The following NTAQ1 variants were observed in gnomAD, a reference collection of about 807,000 sequenced individuals.
The protein encoded by NTAQ1 is N-terminal glutamine amidase 1, also known as protein N-terminal glutamine amidohydrolase.
NTAQ1 carries 21 observed loss-of-function variants against 28.2 expected under a neutral mutation model. That is an observed-to-expected ratio of 0.74 (90% CI 0.53 to 1.07). NTAQ1 has a LOEUF of 1.07. NTAQ1 is among the 50% of genes least tolerant of loss of function. The pLI, the probability that NTAQ1 is intolerant of heterozygous loss-of-function variation, is 0.00. For synonymous variants in NTAQ1, 105 were observed against 90.0 expected (o/e 1.17, Z -0.94); for missense variants, 264 against 256.6 (o/e 1.03, Z -0.20).
intron 6 of NTAQ1, among the ~76,000 whole-genome samples, chr8:123,460,631 T>C (rs16898355): frequency 0.019 from 2,838 of 152,216 alleles, 98 homozygotes; most frequent in African/African-American, 0.065. Flanking sequence ...AAAAAAGCGG[T>C]CAGGGTAAGC....
Position 123,441,666 on chromosome 8 carries a change from A to C in NTAQ1, c.*251A>C. The C allele has an allele frequency of 2.1e-6, 1 of 472,356 alleles. No homozygotes were observed. Among genetic ancestry groups the C allele is most frequent in the Non-Finnish European group, 3.8e-6 (1 of 260,700 alleles). 29.3% of individuals were successfully genotyped at this position (472,356 alleles called of 1,614,324 possible). A position where few individuals can be genotyped will look rare whatever the true frequency, so the allele number is the denominator to read the frequency against. On this transcript the variant is annotated 3_prime_UTR_variant, in exon 6 of 6. Coordinates refer to ENST00000287387, the MANE Select transcript of NTAQ1 (RefSeq NM_018024.3). The stretch of plus-strand genomic sequence containing the variant: ...ATTCCTGTGGCTCATGCGTTACAAC[A>C]CGAGGACTTAAGCCAGTAATCGTTT...
In NTAQ1 at chr8:123,427,991, T is replaced by C. The variant is rs1289939771; in HGVS notation, c.151T>C (p.Tyr51His). The change falls in exon 2 of 6, where the codon TAT becomes CAT. Residue 51 changes from tyrosine (Y) to histidine (H), a missense_variant. Transcript: ENST00000287387. ...NHDQYPLEEC[Y>H]AVFISNERKM... Reference sequence around the variant, plus strand: ...TGACCAGTATCCTTTAGAAGAATGTTATGCTGTCTTCATATCTAATGAGAG... The same window carrying C: ...TGACCAGTATCCTTTAGAAGAATGTCATGCTGTCTTCATATCTAATGAGAG... The C allele has an allele frequency of 6.2e-7, 1 of 1,611,090 alleles. No individual in the cohort carries two copies. The highest frequency in any genetic ancestry group is 1.1e-5 in the South Asian group (1 of 90,016).
At chr8:123,426,417 C>G (rs1241610255) in intron 1 of NTAQ1, among the ~76,000 whole-genome samples, 2 of 152,188 alleles carry the variant, frequency 1.3e-5, no homozygotes, top group Non-Finnish European at 2.9e-5. Flanking sequence ...TACCTGTAAT[C>G]CCAGTACTTA....
chr8:123,454,578 C>T (rs1044894553), intron 6 of NTAQ1, among the ~76,000 whole-genome samples: 32 of 152,114 alleles, frequency 2.1e-4, no homozygotes, highest in Admixed American at 1.0e-3. Context: ...CCATGTTGGT[C>T]GGGCTGGTCT....
At chr8:123,433,192 C>T (rs561396206) in intron 3 of NTAQ1, among the ~76,000 whole-genome samples, 8 of 152,194 alleles carry the variant, frequency 5.3e-5, no homozygotes, top group Admixed American at 2.6e-4. Context: ...CTCATCTGTG[C>T]CATGAAGGCA....
intron 1 of NTAQ1, among the ~76,000 whole-genome samples, chr8:123,425,011 A>G (rs929106756): frequency 1.3e-5 from 2 of 152,224 alleles, no homozygotes; most frequent in African/African-American, 4.8e-5. Flanking sequence ...GTCTTCTTCA[A>G]ACCTGGCCTT....
At chr8:123,428,060 A>G in intron 2 of NTAQ1, 37 bp downstream of exon 2, 1 of 1,438,810 alleles carries the variant, frequency 7.0e-7, no homozygotes, top group African/African-American at 1.5e-5. Context: ...AAAACAAGAG[A>G]TTTAGGATGA....
chr8:123,427,976 C>G lies in NTAQ1; in HGVS notation c.136C>G (p.Pro46Ala), dbSNP rs917843441. ...CEYIKNHDQY[P>A]LEECYAVFIS... The stretch of plus-strand genomic sequence containing the variant: ...ATACATCAAAAACCATGACCAGTAT[C>G]CTTTAGAAGAATGTTATGCTGTCTT... The change falls in exon 2 of 6, where the codon CCT becomes GCT. Residue 46 changes from proline (P) to alanine (A), a missense_variant. Pro to Ala is a conservative substitution (Grantham distance 27). Coordinates refer to ENST00000287387, the MANE Select transcript of NTAQ1 (RefSeq NM_018024.3). 8 of 1,610,934 alleles carry G rather than the reference C, an allele frequency of 5.0e-6. No homozygotes were observed. The highest frequency in any genetic ancestry group is 5.9e-6 in the Non-Finnish European group (7 of 1,179,080).
chr8:123,463,106 C>A (rs1394790467), intron 6 of NTAQ1, among the ~76,000 whole-genome samples: 1 of 152,198 alleles, frequency 6.6e-6, no homozygotes, highest in African/African-American at 2.4e-5. Flanking sequence ...TTCTCTCTTT[C>A]TCACTGAAAA....
chr8:123,437,857 T>C (rs36026463), intron 5 of NTAQ1, among the ~76,000 whole-genome samples: 4 of 152,226 alleles, frequency 2.6e-5, no homozygotes, highest in African/African-American at 9.6e-5. Flanking sequence ...AGGAAGGGTG[T>C]TAAGGATCAG....
At chr8:123,449,911 A>AAGTG (rs1815426228), downstream of NTAQ1, among the ~76,000 whole-genome samples, 1 of 88,196 alleles carries the variant, frequency 1.1e-5, no homozygotes, top group East Asian at 3.7e-4. Flanking sequence ...ATATGTATAT[A>AAGTG]TGTGTGTGTA....
chr8:123,463,998 C>T (rs1372461629), intron 6 of NTAQ1, among the ~76,000 whole-genome samples: 1 of 152,146 alleles, frequency 6.6e-6, no homozygotes, highest in East Asian at 1.9e-4. Flanking sequence ...AAGGGGACTC[C>T]CCCGCACATG....
chr8:123,426,019 G>A (rs1047910796), intron 1 of NTAQ1, among the ~76,000 whole-genome samples: 1 of 152,088 alleles, frequency 6.6e-6, no homozygotes, highest in Non-Finnish European at 1.5e-5. Context: ...GCGAGACTCC[G>A]TCCCCGCTCC....
intron 1 of NTAQ1, among the ~76,000 whole-genome samples, chr8:123,424,070 G>C (rs1813887365): frequency 1.5e-5 from 1 of 67,116 alleles, no homozygotes; most frequent in Non-Finnish European, 2.8e-5. Context: ...TTATTTTTAT[G>C]CGTTTTTTTT....
chr8:123,423,073 G>A (rs781061526), intron 1 of NTAQ1, among the ~76,000 whole-genome samples: 2 of 152,150 alleles, frequency 1.3e-5, no homozygotes, highest in African/African-American at 2.4e-5. Context: ...TTTGAAGTTG[G>A]GTAGTGTGAC....
intron 3 of NTAQ1, 106 bp downstream of exon 3, chr8:123,430,139 A>G: frequency 2.9e-6 from 2 of 691,924 alleles, no homozygotes; most frequent in Non-Finnish European, 2.4e-6. Context: ...GAGAAAGGCT[A>G]TGGTAATTAT....
intron 1 of NTAQ1, among the ~76,000 whole-genome samples, chr8:123,425,258 AT>A (rs1163403241): frequency 6.6e-6 from 1 of 151,802 alleles, no homozygotes; most frequent in Non-Finnish European, 1.5e-5. Context: ...CGCCCAGCTA[AT>A]TTTTGTATTT....
chr8:123,472,374 C>T (rs1376761925), downstream of NTAQ1, among the ~76,000 whole-genome samples: 4 of 152,166 alleles, frequency 2.6e-5, no homozygotes, highest in Admixed American at 6.5e-5. Flanking sequence ...TTACCACAAA[C>T]TTGATGACTT....
At chr8:123,465,911 T>C (rs1815951029) in intron 6 of NTAQ1, among the ~76,000 whole-genome samples, 1 of 152,136 alleles carries the variant, frequency 6.6e-6, no homozygotes, top group Admixed American at 6.5e-5. Context: ...TCCATCCATA[T>C]TGTTGCCTGT....
Sources: allele counts gnomAD v4.1 joint callset (sites outside exome capture counted in the v4.1 genomes callset), GRCh38; gene constraint gnomAD v4.1.1; transcripts MANE v1.5; gene names NCBI Gene and HGNC (gene_info 2026-07-23, HGNC 2026-07-21).